The following ADAM7 variants were observed in gnomAD, a reference collection of about 807,000 sequenced individuals.
ADAM7 encodes ADAM metallopeptidase domain 7.
ADAM7 carries 97 observed loss-of-function variants against 102.9 expected under a neutral mutation model. That is an observed-to-expected ratio of 0.94 (90% CI 0.80 to 1.12). The LOEUF is 1.12. Among genes scored for constraint, ADAM7 ranks in the 50% most tolerant of loss-of-function variants. The pLI, the probability that ADAM7 is intolerant of heterozygous loss-of-function variation, is 0.00. For synonymous variants in ADAM7, 334 were observed against 304.4 expected (o/e 1.10, Z -1.01); for missense variants, 991 against 908.7 (o/e 1.09, Z -1.16).
intron 17 of ADAM7, among the ~76,000 whole-genome samples, chr8:24,499,534 T>C (rs1457271624): frequency 6.6e-6 from 1 of 152,142 alleles, no homozygotes; most frequent in African/African-American, 2.4e-5. Flanking sequence ...GTATTACAAG[T>C]AATGCTTTCA....
At chr8:24,471,765 A>G (rs1819612716) in intron 7 of ADAM7, among the ~76,000 whole-genome samples, 1 of 152,026 alleles carries the variant, frequency 6.6e-6, no homozygotes, top group Admixed American at 6.6e-5. Flanking sequence ...ATACATACAC[A>G]CAGAATAGTA....
At chr8:24,476,526 G>C (rs375036002) in intron 8 of ADAM7, 22 bp downstream of exon 8, 1 of 1,575,392 alleles carries the variant, frequency 6.3e-7, no homozygotes, top group East Asian at 2.2e-5. Flanking sequence ...TACAGTTTTT[G>C]AATCAAGCCA....
Position 24,501,507 on chromosome 8 carries a change from C to A in ADAM7, c.2139C>A (p.Asn713Lys). ...CTACAGAAACCCTGGGAGTGGAGAA[C>A]AAAGGATACTTTGGTGATGAGCAGC... ...SPPTETLGVE[N>K]KGYFGDEQQI... The change falls in exon 20 of 22, where the codon AAC becomes AAA. Residue 713 changes from asparagine (N) to lysine (K), a missense_variant. Coordinates refer to ENST00000175238, the MANE Select transcript of ADAM7 (RefSeq NM_003817.4). 6.2e-7 allele frequency: 1 copy of A among 1,608,184 alleles called. No homozygotes were observed. Among genetic ancestry groups the A allele is most frequent in the Non-Finnish European group, 8.5e-7 (1 of 1,178,020 alleles).
rs1177309918 is a variant in ADAM7, at chr8:24,499,321, GAT to G, written c.1923+8_1923+9del. 1 of 1,588,144 alleles carries G rather than the reference GAT, an allele frequency of 6.3e-7. No homozygotes were observed. Among genetic ancestry groups the G allele is most frequent in the African/African-American group, 1.4e-5 (1 of 73,806 alleles). ...TCTCAGTGCAATGAAAATCCTGTAA[GAT>G]ATGACTGCTTTCAAAATTAATGTCT... On this transcript the variant is annotated splice_donor_region_variant and intron_variant, in intron 17 of 21. Coordinates refer to ENST00000175238, the MANE Select transcript of ADAM7 (RefSeq NM_003817.4).
intron 6 of ADAM7, among the ~76,000 whole-genome samples, chr8:24,468,425 T>C (rs1819499587): frequency 2.6e-5 from 4 of 152,110 alleles, no homozygotes; most frequent in Admixed American, 2.0e-4. Context: ...ATGGGGTTGA[T>C]AGGTGCAGCA....
intron 7 of ADAM7, among the ~76,000 whole-genome samples, chr8:24,472,980 T>A (rs1349212175): frequency 6.6e-6 from 1 of 152,016 alleles, no homozygotes; most frequent in Non-Finnish European, 1.5e-5. Context: ...TATAAACAGA[T>A]GTAGTAAAAT....
chr8:24,448,973 A>G (rs1488289981), intron 3 of ADAM7, among the ~76,000 whole-genome samples: 3 of 152,158 alleles, frequency 2.0e-5, no homozygotes, highest in East Asian at 1.9e-4. Flanking sequence ...CCCTACAAAG[A>G]ACATGAACTC....
intron 13 of ADAM7, 60 bp from the exon 14 acceptor site, chr8:24,491,843 T>G: frequency 1.4e-6 from 2 of 1,386,830 alleles, no homozygotes; most frequent in South Asian, 3.3e-5. Context: ...TCTGTCTACT[T>G]ACGAAACCTT....
At chr8:24,461,683 T>A (rs1219976927) in intron 3 of ADAM7, among the ~76,000 whole-genome samples, 1 of 152,132 alleles carries the variant, frequency 6.6e-6, no homozygotes, top group African/African-American at 2.4e-5. Flanking sequence ...CTGAAGCTCT[T>A]TTTTTTCTGT....
chr8:24,501,939 C>T (rs1820775969), intron 20 of ADAM7, among the ~76,000 whole-genome samples: 1 of 152,090 alleles, frequency 6.6e-6, no homozygotes, highest in Non-Finnish European at 1.5e-5. Flanking sequence ...CGTCTGTAAT[C>T]CTCACACTTC....
Position 24,492,029 on chromosome 8 carries a change from T to A in ADAM7, c.1483T>A (p.Ser495Thr). Residue 495 changes from serine to threonine, a missense_variant, in exon 14 of 22, where the codon TCA becomes ACA. Physicochemically the swap from Ser to Thr is moderately conservative, Grantham distance 58. Transcript: ENST00000175238. The stretch of plus-strand genomic sequence containing the variant: ...GGTCAATGGATTTCCTTGCAAGAAC[T>A]CAGAAGGCTACTGTTTCATGGGGAA... Reference protein sequence around the residue: ...FRVNGFPCKNSEGYCFMGKCP... With the variant: ...FRVNGFPCKNTEGYCFMGKCP... 6.2e-7 allele frequency: 1 copy of A among 1,613,984 alleles called. No homozygotes were observed. The highest frequency in any genetic ancestry group is 8.5e-7 in the Non-Finnish European group (1 of 1,179,878).
At chr8:24,443,689 G>A (rs1389753857) in intron 2 of ADAM7, among the ~76,000 whole-genome samples, 2 of 152,166 alleles carry the variant, frequency 1.3e-5, no homozygotes, top group East Asian at 3.9e-4. Flanking sequence ...TGTAACCCCA[G>A]CACTTTGGGA....
At chr8:24,490,152 C>T (rs563677053) in intron 12 of ADAM7, among the ~76,000 whole-genome samples, 1 of 152,202 alleles carries the variant, frequency 6.6e-6, no homozygotes, top group Admixed American at 6.5e-5. Flanking sequence ...CATAATCAGA[C>T]TGGGGACAGT....
chr8:24,464,147 G>C (rs1319330069), intron 4 of ADAM7, among the ~76,000 whole-genome samples, 187 bp downstream of exon 4: 1 of 152,102 alleles, frequency 6.6e-6, no homozygotes, highest in African/African-American at 2.4e-5. Flanking sequence ...ACCTCTTACT[G>C]CCTAACAAGC....
chr8:24,480,466 T>C (rs372170688), intron 8 of ADAM7, among the ~76,000 whole-genome samples: 21 of 152,140 alleles, frequency 1.4e-4, no homozygotes, highest in African/African-American at 4.8e-4. Context: ...AGAGATTCCA[T>C]AGTTGTTTCC....
At chr8:24,449,970 C>A (rs1585852431) in intron 3 of ADAM7, among the ~76,000 whole-genome samples, 1 of 152,170 alleles carries the variant, frequency 6.6e-6, no homozygotes, top group East Asian at 1.9e-4. Flanking sequence ...AGATATGTGG[C>A]CTTATTTCTG....
intron 7 of ADAM7, among the ~76,000 whole-genome samples, chr8:24,471,382 A>G (rs960625520): frequency 2.0e-5 from 3 of 151,946 alleles, no homozygotes; most frequent in Non-Finnish European, 4.4e-5. Context: ...ATGTTCACTC[A>G]CCATTCATTC....
intron 1 of ADAM7, 58 bp from the exon 2 acceptor site, chr8:24,442,415 G>T: frequency 8.5e-7 from 1 of 1,178,752 alleles, no homozygotes; most frequent in Non-Finnish European, 1.3e-6. Context: ...CTGTTTTTCA[G>T]CCGCTGTAGA....
intron 4 of ADAM7, 40 bp downstream of exon 4, chr8:24,464,000 A>G (rs771522387): frequency 6.4e-7 from 1 of 1,555,862 alleles, no homozygotes; most frequent in East Asian, 2.2e-5. Flanking sequence ...CTCTAAAAGC[A>G]GTATTTCCTG....
Sources: allele counts gnomAD v4.1 joint callset (sites outside exome capture counted in the v4.1 genomes callset), GRCh38; gene constraint gnomAD v4.1.1; transcripts MANE v1.5; gene names NCBI Gene and HGNC (gene_info 2026-07-23, HGNC 2026-07-21).